Variants in PIK3CA observed in about 807,000 individuals in gnomAD.
The protein encoded by PIK3CA is phosphatidylinositol 4,5-bisphosphate 3-kinase catalytic subunit alpha isoform.
In PIK3CA, 27 loss-of-function variants were observed where a neutral mutation model predicts 138.2. The ratio of observed to expected loss-of-function variants is 0.20; its 90% confidence interval spans 0.14 to 0.27. PIK3CA has a LOEUF of 0.27. PIK3CA is among the 10% of genes least tolerant of loss of function. The pLI is 1.00. For synonymous variants in PIK3CA, 358 were observed against 413.2 expected (o/e 0.87, Z 1.62); for missense variants, 544 against 1,277.4 (o/e 0.43, Z 8.75).
intron 1 of PIK3CA, among the ~76,000 whole-genome samples, chr3:179,174,353 C>A (rs767291418): frequency 6.8e-5 from 6 of 88,714 alleles, no homozygotes; most frequent in Admixed American, 1.1e-4. Context: ...CACCTGTAAT[C>A]CCAGCTCTCG....
Position 179,219,153 on chromosome 3 carries a change from A to C in PIK3CA, c.1665-43A>C. The stretch of plus-strand genomic sequence containing the variant: ...AGTTAGACATGTCAACCTTTTGAAC[A>C]GCATGCAAGAATGTTTATGTTTATT... On this transcript the variant is annotated intron_variant, in intron 10 of 20. Coordinates refer to ENST00000263967, the MANE Select transcript of PIK3CA (RefSeq NM_006218.4). The surrounding 1 kb of genome is among the most constrained non-coding windows in gnomAD (Gnocchi z 4.2). 1 of 1,170,708 alleles carries C rather than the reference A, an allele frequency of 8.5e-7. No homozygotes were observed. The highest frequency in any genetic ancestry group is 1.3e-6 in the Non-Finnish European group (1 of 782,970). The allele number at this position is 1,170,708 out of a possible 1,614,324, so 72.5% of individuals were successfully genotyped here.
At chr3:179,199,976 T>C in intron 3 of PIK3CA, 77 bp downstream of exon 3, 1 of 672,854 alleles carries the variant, frequency 1.5e-6, no homozygotes, top group Non-Finnish European at 2.3e-6. Context: ...TGTATAGTCT[T>C]TTTTTTTTTT....
intron 1 of PIK3CA, among the ~76,000 whole-genome samples, chr3:179,179,529 T>C (rs1723787976): frequency 6.6e-6 from 1 of 152,216 alleles, no homozygotes; most frequent in Non-Finnish European, 1.5e-5. Context: ...CATGACAGAA[T>C]GTTCTAGGAT....
intron 1 of PIK3CA, among the ~76,000 whole-genome samples, chr3:179,157,384 G>A (rs1723164566): frequency 6.6e-6 from 1 of 152,042 alleles, no homozygotes; most frequent in African/African-American, 2.4e-5. Flanking sequence ...GATAATAACA[G>A]TGGTAGTAAA....
chr3:179,172,066 GC>G (rs1318644505), intron 1 of PIK3CA, among the ~76,000 whole-genome samples: 1 of 151,996 alleles, frequency 6.6e-6, no homozygotes, highest in African/African-American at 2.4e-5. Context: ...ATTTATCCCA[GC>G]AATGCAAGGC....
At chr3:179,194,381 A>C (rs1193742954) in intron 1 of PIK3CA, among the ~76,000 whole-genome samples, 1 of 151,798 alleles carries the variant, frequency 6.6e-6, no homozygotes, top group African/African-American at 2.4e-5. Flanking sequence ...GTGCCACCAC[A>C]CCTAGCTAAT....
chr3:179,159,163 CTT>C (rs917744702), intron 1 of PIK3CA, among the ~76,000 whole-genome samples: 1 of 152,038 alleles, frequency 6.6e-6, no homozygotes, highest in African/African-American at 2.4e-5. Context: ...TAAAGAATGA[CTT>C]TTATTAAGCA....
In PIK3CA at chr3:179,209,478, A is replaced by G. The variant is rs536792943; in HGVS notation, c.1146-117A>G. On this transcript the variant is annotated intron_variant, in intron 6 of 20. Coordinates refer to ENST00000263967, the MANE Select transcript of PIK3CA (RefSeq NM_006218.4). ...CCTTATAAAGTGCCTTTTCCAATCA[A>G]TCTCTTTCCTGTTTTTCGTTTGGTT... 267 of 561,632 alleles carry G rather than the reference A, an allele frequency of 4.8e-4. No homozygotes were observed. The highest frequency in any genetic ancestry group is 6.0e-4 in the Non-Finnish European group (188 of 314,690). The allele number at this position is 561,632 out of a possible 1,614,324, so 34.8% of individuals were successfully genotyped here.
chr3:179,227,667 A>T (rs189738544), intron 17 of PIK3CA, among the ~76,000 whole-genome samples: 1 of 152,230 alleles, frequency 6.6e-6, no homozygotes, highest in Admixed American at 6.5e-5. Flanking sequence ...GAAAATAAGT[A>T]TTGACCGTAT....
chr3:179,179,763 C>A (rs1298845152), intron 1 of PIK3CA, among the ~76,000 whole-genome samples: 2 of 152,102 alleles, frequency 1.3e-5, no homozygotes, highest in Non-Finnish European at 2.9e-5. Flanking sequence ...GTCAGTTCTC[C>A]CTGTTCTCAA....
At chr3:179,209,927 A>G (rs1724665119) in intron 7 of PIK3CA, among the ~76,000 whole-genome samples, 1 of 152,286 alleles carries the variant, frequency 6.6e-6, no homozygotes, top group South Asian at 2.1e-4. Context: ...TAAAAATGCA[A>G]AGTGACTATA....
At chr3:179,203,100 C>G (rs963496273) in intron 4 of PIK3CA, among the ~76,000 whole-genome samples, 2 of 151,718 alleles carry the variant, frequency 1.3e-5, no homozygotes, top group African/African-American at 2.4e-5. Context: ...GCCACTACGC[C>G]CGGCTAATTT....
In PIK3CA at chr3:179,220,096, A is replaced by G. The variant is rs2108412332; in HGVS notation, c.2015+44A>G. On this transcript the variant is annotated intron_variant, in intron 13 of 20. Coordinates refer to ENST00000263967, the MANE Select transcript of PIK3CA (RefSeq NM_006218.4). The surrounding 1 kb of genome is among the most constrained non-coding windows in gnomAD (Gnocchi z 4.1). ...CCATTAAATTCTTAAGGTACATATT[A>G]CTTGCTTTCTTAATAGATTTATAAA... The G allele has an allele frequency of 7.5e-7, 1 of 1,324,704 alleles. No homozygotes were observed. Among genetic ancestry groups the G allele is most frequent in the Non-Finnish European group, 1.0e-6 (1 of 954,718 alleles). The allele number at this position is 1,324,704 out of a possible 1,614,324, so 82.1% of individuals were successfully genotyped here. A position where few individuals can be genotyped will look rare whatever the true frequency, so the allele number is the denominator to read the frequency against.
chr3:179,190,526 C>A (rs1431567475), intron 1 of PIK3CA, among the ~76,000 whole-genome samples: 3 of 152,096 alleles, frequency 2.0e-5, no homozygotes, highest in Non-Finnish European at 4.4e-5. Context: ...GAATTATTAA[C>A]CCAGATTTGA....
At chr3:179,161,123 C>T (rs1322903830) in intron 1 of PIK3CA, among the ~76,000 whole-genome samples, 2 of 152,122 alleles carry the variant, frequency 1.3e-5, no homozygotes, top group Non-Finnish European at 2.9e-5. Flanking sequence ...TCAGGGTACA[C>T]TTCTCATTAC....
At chr3:179,180,609 G>C (rs1236516804) in intron 1 of PIK3CA, among the ~76,000 whole-genome samples, 1 of 152,142 alleles carries the variant, frequency 6.6e-6, no homozygotes, top group Admixed American at 6.5e-5. Flanking sequence ...GTGATGTCAT[G>C]CAAGAGAGGA....
intron 20 of PIK3CA, among the ~76,000 whole-genome samples, chr3:179,232,380 A>G (rs759403381): frequency 8.6e-5 from 13 of 151,782 alleles, no homozygotes; most frequent in Admixed American, 3.9e-4. Flanking sequence ...CCTTTCTCCA[A>G]TTTATGTTTT....
Position 179,219,761 on chromosome 3 carries a change from A to G in PIK3CA, c.1911+26A>G. The stretch of plus-strand genomic sequence containing the variant: ...GTAAAATAATGTAAAATAGTAAATA[A>G]TGTTTAATTACAATAATAATTTATT... On this transcript the variant is annotated intron_variant, in intron 12 of 20. Transcript: ENST00000263967. This position sits in a 1 kb window ranked among gnomAD's most constrained non-coding sequence, Gnocchi z 4.2. The G allele has an allele frequency of 7.0e-7, 1 of 1,423,706 alleles. No individual in the cohort carries two copies. The allele number at this position is 1,423,706 out of a possible 1,614,324, so 88.2% of individuals were successfully genotyped here.
chr3:179,161,237 CAT>C (rs1484897880), intron 1 of PIK3CA, among the ~76,000 whole-genome samples: 1 of 152,184 alleles, frequency 6.6e-6, no homozygotes, highest in Non-Finnish European at 1.5e-5. Flanking sequence ...GAAAGTAACA[CAT>C]AGATTTGTCA....
Sources: allele counts gnomAD v4.1 joint callset (sites outside exome capture counted in the v4.1 genomes callset), GRCh38; gene constraint gnomAD v4.1.1; non-coding constraint Gnocchi (gnomAD v3.1); transcripts MANE v1.5; gene names NCBI Gene and HGNC (gene_info 2026-07-23, HGNC 2026-07-21).